The following PPP2R2B variants were observed in gnomAD, a reference collection of about 807,000 sequenced individuals.
PPP2R2B encodes serine/threonine-protein phosphatase 2A 55 kDa regulatory subunit B beta isoform.
In PPP2R2B, 5 loss-of-function variants were observed where a neutral mutation model predicts 46.0. The observed-to-expected ratio is 0.11, with a 90% CI of 0.06 to 0.23. PPP2R2B has a LOEUF of 0.23. Ranked by LOEUF, PPP2R2B falls within the 10% of genes least tolerant of loss-of-function variation. The probability of loss-of-function intolerance (pLI) is 1.00; values close to 1 mark genes in which losing one functional copy is unlikely to be tolerated. For synonymous variants in PPP2R2B, 215 were observed against 206.7 expected (o/e 1.04, Z -0.34); for missense variants, 367 against 575.0 (o/e 0.64, Z 3.70).
intron 1 of PPP2R2B, among the ~76,000 whole-genome samples, chr5:146,985,561 C>A (rs1363306287): frequency 1.3e-5 from 2 of 152,060 alleles, no homozygotes; most frequent in African/African-American, 2.4e-5. Flanking sequence ...GTCTTTAATT[C>A]ACTTTGAGTC....
At chr5:146,823,301 C>G (rs1407835681) in intron 2 of PPP2R2B, among the ~76,000 whole-genome samples, 1 of 152,094 alleles carries the variant, frequency 6.6e-6, no homozygotes, top group Non-Finnish European at 1.5e-5. Context: ...AGGTTCACTC[C>G]ATTCTCCTGC....
intron 2 of PPP2R2B, among the ~76,000 whole-genome samples, chr5:146,746,117 G>A (rs1753177388): frequency 2.0e-5 from 3 of 152,162 alleles, no homozygotes; most frequent in Admixed American, 1.3e-4. Flanking sequence ...GCGCTATTAT[G>A]TGCTACACCT....
chr5:146,995,482 G>C (rs2151865239), intron 1 of PPP2R2B, among the ~76,000 whole-genome samples: 1 of 152,302 alleles, frequency 6.6e-6, no homozygotes. Flanking sequence ...TGAACGTGCA[G>C]GTTTGAATTC....
At chr5:146,770,823 A>C (rs1754807217) in intron 2 of PPP2R2B, among the ~76,000 whole-genome samples, 1 of 152,174 alleles carries the variant, frequency 6.6e-6, no homozygotes, top group Non-Finnish European at 1.5e-5. Flanking sequence ...GGGGCCAAGA[A>C]ATAGCTCAAT....
intron 1 of PPP2R2B, among the ~76,000 whole-genome samples, chr5:147,030,529 A>G (rs1248140877): frequency 6.6e-6 from 1 of 152,134 alleles, no homozygotes; most frequent in Non-Finnish European, 1.5e-5. Context: ...TAGTCCATTT[A>G]CAATTAATGT....
intron 2 of PPP2R2B, among the ~76,000 whole-genome samples, chr5:146,708,395 A>G (rs373299569): frequency 3.9e-5 from 5 of 128,194 alleles, no homozygotes; most frequent in African/African-American, 1.5e-4. Flanking sequence ...ATATCTATGT[A>G]TGTGTGTGTG....
At chr5:146,592,888 G>A in intron 9 of PPP2R2B, 83 bp downstream of exon 9, 1 of 1,367,622 alleles carries the variant, frequency 7.3e-7, no homozygotes, top group Non-Finnish European at 1.0e-6. Flanking sequence ...ACCTCCCTTT[G>A]GCTGTACTCT....
At chr5:146,738,726 G>A (rs1752694045) in intron 2 of PPP2R2B, among the ~76,000 whole-genome samples, 1 of 152,144 alleles carries the variant, frequency 6.6e-6, no homozygotes, top group South Asian at 2.1e-4. Flanking sequence ...TGTCGTTAAA[G>A]TTCTAATTAT....
intron 1 of PPP2R2B, among the ~76,000 whole-genome samples, chr5:146,999,822 C>T (rs1452839675): frequency 6.6e-6 from 1 of 152,168 alleles, no homozygotes; most frequent in East Asian, 1.9e-4. Flanking sequence ...GTCCCCTTCC[C>T]ATGTGTCATA....
intron 1 of PPP2R2B, among the ~76,000 whole-genome samples, chr5:146,884,845 A>T (rs1477633502): frequency 6.6e-6 from 1 of 152,366 alleles, no homozygotes; most frequent in East Asian, 1.9e-4. Context: ...GTAAAATTTT[A>T]GTATAATTTA....
At chr5:146,818,887 G>A (rs1327846332) in intron 2 of PPP2R2B, among the ~76,000 whole-genome samples, 1 of 152,184 alleles carries the variant, frequency 6.6e-6, no homozygotes, top group Admixed American at 6.5e-5. Flanking sequence ...TAAAGATAGT[G>A]TCTGAAGAAT....
intron 1 of PPP2R2B, among the ~76,000 whole-genome samples, chr5:147,032,826 CA>C (rs1755854446): frequency 6.6e-6 from 1 of 152,250 alleles, no homozygotes; most frequent in Admixed American, 6.5e-5. Flanking sequence ...CGTGCGTGTG[CA>C]AGTATCTTTT....
At chr5:146,958,283 T>G (rs1434313953) in intron 1 of PPP2R2B, among the ~76,000 whole-genome samples, 1 of 152,156 alleles carries the variant, frequency 6.6e-6, no homozygotes, top group Non-Finnish European at 1.5e-5. Context: ...AGCCCTTTAC[T>G]CTATTGAATT....
chr5:146,734,521 T>G (rs1165083504), intron 2 of PPP2R2B, among the ~76,000 whole-genome samples: 1 of 152,176 alleles, frequency 6.6e-6, no homozygotes, highest in Non-Finnish European at 1.5e-5. Flanking sequence ...GAACTAGAAT[T>G]CACTTCCAGG....
intron 5 of PPP2R2B, among the ~76,000 whole-genome samples, chr5:146,689,595 A>C (rs949490928): frequency 2.6e-5 from 4 of 152,192 alleles, no homozygotes; most frequent in Admixed American, 2.0e-4. Flanking sequence ...TGCATTTCTC[A>C]GAATATATTC....
At chr5:146,653,753 G>A (rs896983521) in intron 5 of PPP2R2B, among the ~76,000 whole-genome samples, 1 of 152,184 alleles carries the variant, frequency 6.6e-6, no homozygotes, top group Admixed American at 6.5e-5. Flanking sequence ...TGCTAATTTA[G>A]GCTGACATAT....
chr5:146,717,906 A>G lies in PPP2R2B; in HGVS notation c.71-16764T>C, dbSNP rs184894443. ...ATTTTAAAAAATTTCAGCTTGAACA[A>G]CAGCACTTCCTGAGAGTGGACTTTT... On this transcript the variant is annotated intron_variant, in intron 2 of 9. Transcript: ENST00000394411. Among the ~76,000 whole-genome samples, 433 of 152,260 alleles carry G rather than the reference A, an allele frequency of 2.8e-3. 2 individuals are homozygous for G. Among genetic ancestry groups the G allele is most frequent in the African/African-American group, 9.8e-3 (407 of 41,544 alleles).
At position 146,587,980 on chromosome 5, in the gene PPP2R2B, G is replaced by A. The variant is rs1027820107; in HGVS notation, c.*1967C>T. 6.6e-6 allele frequency: 1 copy of A among 152,200 alleles called. No individual in the cohort carries two copies. The highest frequency in any genetic ancestry group is 1.5e-5 in the Non-Finnish European group (1 of 68,050). 9.4% of individuals were successfully genotyped at this position (152,200 alleles called of 1,614,324 possible). A position where few individuals can be genotyped will look rare whatever the true frequency, so the allele number is the denominator to read the frequency against. On this transcript the variant is annotated 3_prime_UTR_variant, in exon 10 of 10. Transcript: ENST00000394411. ...GGAGAAAAGGCCATAAAGGAAGTCGGTGGTAAATGTAGGCCAATAACCCAG... is the reference window on the plus strand; with the variant it reads ...GGAGAAAAGGCCATAAAGGAAGTCGATGGTAAATGTAGGCCAATAACCCAG...
At chr5:146,871,983 G>A (rs536526916) in intron 2 of PPP2R2B, among the ~76,000 whole-genome samples, 4 of 152,230 alleles carry the variant, frequency 2.6e-5, no homozygotes, top group Admixed American at 6.5e-5. Context: ...GACAGTACTC[G>A]CGATACCTTA....
Sources: gnomAD v4.1 joint callset for allele counts (sites outside exome capture counted in the v4.1 genomes callset) on GRCh38, gnomAD v4.1.1 for gene constraint, MANE v1.5 for transcripts, NCBI Gene and HGNC (gene_info 2026-07-23, HGNC 2026-07-21) for gene names.